MUC12: variants seen among roughly 807,000 people sequenced by gnomAD.
MUC12 encodes mucin 12, cell surface associated.
A neutral mutation model predicts 230.8 loss-of-function variants in MUC12; 172 were observed. The observed-to-expected ratio is 0.75, with a 90% CI of 0.66 to 0.85. The LOEUF (loss-of-function observed/expected upper bound fraction) is 0.85, where lower values mean the gene tolerates loss of function less well. MUC12 is among the 40% of genes least tolerant of loss of function. The pLI is 0.00. For synonymous variants in MUC12, 1,259 were observed against 2,401.9 expected (o/e 0.52, Z 13.91); for missense variants, 3,506 against 5,920.6 (o/e 0.59, Z 13.38).
At chr7:100,973,947 G>C (rs1268421701) in intron 1 of MUC12, among the ~76,000 whole-genome samples, 1 of 151,994 alleles carries the variant, frequency 6.6e-6, no homozygotes, top group Admixed American at 6.6e-5. Flanking sequence ...AAGCCCAGGA[G>C]TTCGAGACCA....
At chr7:101,010,608 A>G (rs1793827196) in intron 5 of MUC12, among the ~76,000 whole-genome samples, 2 of 151,792 alleles carry the variant, frequency 1.3e-5, no homozygotes, top group Non-Finnish European at 2.9e-5. Context: ...TTCACCTCCC[A>G]GGTTCAAGTG....
intron 1 of MUC12, chr7:100,972,780 A>G: frequency 1.5e-6 from 1 of 680,416 alleles, no homozygotes; most frequent in East Asian, 2.7e-5. Context: ...TGCTGGAATG[A>G]CAGGTGCGAG....
chr7:101,012,214 C>A (rs1793847874), intron 5 of MUC12, 82 bp from the exon 6 acceptor site: 1 of 1,458,134 alleles, frequency 6.9e-7, no homozygotes, highest in Admixed American at 2.1e-5. Context: ...GCTTCATCTC[C>A]CATTACCACT....
intron 1 of MUC12, among the ~76,000 whole-genome samples, chr7:100,977,107 A>G (rs1422503505): frequency 6.7e-6 from 1 of 149,790 alleles, no homozygotes; most frequent in Non-Finnish European, 1.5e-5. Context: ...CCACCCATTC[A>G]TCAGTTGGAG....
At chr7:101,013,316 G>C (rs1793865649) in intron 8 of MUC12, among the ~76,000 whole-genome samples, 174 bp downstream of exon 8, 1 of 152,184 alleles carries the variant, frequency 6.6e-6, no homozygotes, top group African/African-American at 2.4e-5. Context: ...ACCCACAAGA[G>C]TGAGGAGTAG....
intron 9 of MUC12, among the ~76,000 whole-genome samples, chr7:101,014,647 T>G (rs1793889082): frequency 6.6e-6 from 1 of 152,050 alleles, no homozygotes; most frequent in Non-Finnish European, 1.5e-5. Context: ...CTGGCTAATT[T>G]TTGTATTTTT....
At chr7:101,011,275 T>A (rs374236229) in intron 5 of MUC12, among the ~76,000 whole-genome samples, 1 of 151,774 alleles carries the variant, frequency 6.6e-6, no homozygotes, top group Non-Finnish European at 1.5e-5. Flanking sequence ...TGGCTCAGGA[T>A]TTTTTTTGTC....
chr7:100,969,782 C>T (rs1563081984), intron 1 of MUC12, 93 bp downstream of exon 1: 2 of 1,356,294 alleles, frequency 1.5e-6, no homozygotes, highest in Non-Finnish European at 1.9e-6. Flanking sequence ...CAGGTGGCCT[C>T]CTCCCCTTTG....
At chr7:101,009,794 G>C (rs1461359444) in intron 5 of MUC12, among the ~76,000 whole-genome samples, 2 of 152,230 alleles carry the variant, frequency 1.3e-5, no homozygotes, top group Non-Finnish European at 2.9e-5. Context: ...GCCCAGAGGG[G>C]AGAGAGAGGA....
At chr7:100,981,500 G>A (rs773962897) in intron 1 of MUC12, 13 of 487,216 alleles carry the variant, frequency 2.7e-5, no homozygotes, top group African/African-American at 1.4e-4. Context: ...GAGAAGGAGC[G>A]TCAGGAGGTG....
chr7:100,974,930 G>A (rs1321941330), intron 1 of MUC12, among the ~76,000 whole-genome samples: 1 of 152,306 alleles, frequency 6.6e-6, no homozygotes, highest in African/African-American at 2.4e-5. Context: ...CCTCTTGAGA[G>A]GCACCGAGAG....
Position 101,004,874 on chromosome 7 carries a change from A to G in MUC12, c.14311A>G (p.Ser4771Gly), listed in dbSNP as rs1223192033. The G allele has an allele frequency of 6.5e-7, 1 of 1,537,752 alleles. No homozygotes were observed. The highest frequency in any genetic ancestry group is 8.7e-7 in the Non-Finnish European group (1 of 1,147,068). The change falls in exon 2 of 12, where the codon AGC becomes GGC. Residue 4771 changes from serine to glycine, a missense_variant. Coordinates refer to ENST00000536621, the MANE Select transcript of MUC12 (RefSeq NM_001164462.2). ...CAGTGGAGAACCCACCAGCTTGTAT[A>G]GCCAAGCAGAGTCAACACACACAAC... ...SISGEPTSLY[S>G]QAESTHTTAF...
chr7:100,978,917 C>T (rs1793067281), intron 1 of MUC12, among the ~76,000 whole-genome samples: 2 of 152,222 alleles, frequency 1.3e-5, no homozygotes, highest in Non-Finnish European at 1.5e-5. Context: ...TCAAGTGAGC[C>T]TTCTGCCTCA....
In MUC12 at chr7:100,969,667, G is replaced by A. The variant is rs372002830; in HGVS notation, c.45G>A (p.Ala15=). 3.2e-4 allele frequency: 487 copies of A among 1,531,546 alleles called. No individual in the cohort carries two copies. The East Asian group carries it at 7.6e-3, about 24-fold the overall frequency. The allele number at this position is 1,531,546 out of a possible 1,614,324, so 94.9% of individuals were successfully genotyped here. ...WILTLALRLC[A]SVTTVTPGST... is the part of the protein sequence containing the mutation. The stretch of plus-strand genomic sequence containing the variant: ...TGACGCTGGCTCTCCGGCTCTGCGC[G>A]TCCGTTACTACAGTGACACCAGGTG... The change falls in exon 1 of 12, where the codon GCG becomes GCA. Residue 15 remains alanine, a synonymous_variant. Coordinates refer to ENST00000536621, the MANE Select transcript of MUC12 (RefSeq NM_001164462.2).
At chr7:100,989,645 C>T (rs748741739) in intron 1 of MUC12, among the ~76,000 whole-genome samples, 2 of 152,006 alleles carry the variant, frequency 1.3e-5, no homozygotes, top group Non-Finnish European at 2.9e-5. Context: ...TACAGTTCTC[C>T]ACAACCATAC....
At chr7:100,987,701 G>A (rs754322911) in intron 1 of MUC12, among the ~76,000 whole-genome samples, 8 of 152,154 alleles carry the variant, frequency 5.3e-5, no homozygotes, top group African/African-American at 1.2e-4. Context: ...GGCCAGGCGC[G>A]GTGGCTCGCG....
chr7:100,991,678 A>C lies in MUC12; in HGVS notation c.1115A>C (p.His372Pro). The stretch of plus-strand genomic sequence containing the variant: ...AGCCCGGGCTCAACTCAAACAATGC[A>C]CTTCCCTGAAAGCTCCACAACTTCA... ...HRSPGSTQTM[H>P]FPESSTTSGH... Residue 372 changes from histidine (H) to proline (P), a missense_variant, in exon 2 of 12, where the codon CAC becomes CCC. Physicochemically the swap from His to Pro is moderately conservative, Grantham distance 77. Coordinates refer to ENST00000536621, the MANE Select transcript of MUC12 (RefSeq NM_001164462.2). 6.5e-7 allele frequency: 1 copy of C among 1,537,622 alleles called. No homozygotes were observed.
Position 101,012,908 on chromosome 7 carries a change from G to C in MUC12, c.15475+18G>C. On this transcript the variant is annotated intron_variant, in intron 7 of 11. Coordinates refer to ENST00000536621, the MANE Select transcript of MUC12 (RefSeq NM_001164462.2). ...CTTCCAGGGTAAGCGACTACGTGGA[G>C]CGTGGGCACTAAGAGTGGGGGCTGG... 2 of 1,537,268 alleles carry C rather than the reference G, an allele frequency of 1.3e-6. No individual in the cohort carries two copies. The highest frequency in any genetic ancestry group is 1.7e-6 in the Non-Finnish European group (2 of 1,146,902).
intron 10 of MUC12, 59 bp downstream of exon 10, chr7:101,015,750 G>C: frequency 6.9e-7 from 1 of 1,444,070 alleles, no homozygotes; most frequent in Non-Finnish European, 9.4e-7. Flanking sequence ...AAGGCAGGGC[G>C]GTGCCTGTGC....
Sources: gnomAD v4.1 joint callset for allele counts (sites outside exome capture counted in the v4.1 genomes callset) on GRCh38, gnomAD v4.1.1 for gene constraint, MANE v1.5 for transcripts, NCBI Gene and HGNC (gene_info 2026-07-23, HGNC 2026-07-21) for gene names.